The following SMAD3 variants were observed in gnomAD, a reference collection of about 807,000 sequenced individuals.
The protein encoded by SMAD3 is MAD homolog 3.
A neutral mutation model predicts 51.8 loss-of-function variants in SMAD3; 12 were observed. That is an observed-to-expected ratio of 0.23 (90% CI 0.15 to 0.38). The LOEUF (loss-of-function observed/expected upper bound fraction) is 0.38, where lower values mean the gene tolerates loss of function less well. Ranked by LOEUF, SMAD3 falls within the 10% of genes least tolerant of loss-of-function variation. SMAD3 has a pLI of 1.00. For synonymous variants in SMAD3, 238 were observed against 227.7 expected, an observed-to-expected ratio of 1.05 and a Z score of -0.41; for missense variants, 294 against 565.6, an observed-to-expected ratio of 0.52 and a Z score of 4.87.
intron 1 of SMAD3, among the ~76,000 whole-genome samples, chr15:67,159,543 G>T (rs1962371643): frequency 6.6e-6 from 1 of 152,058 alleles, no homozygotes; most frequent in Non-Finnish European, 1.5e-5. Context: ...AAAGTGTGCA[G>T]TATGACAAAT....
chr15:67,194,826 A>AG lies in SMAD3; in HGVS notation c.*4294dup, dbSNP rs1963461300. The AG allele has an allele frequency of 1.3e-5, 3 of 232,708 alleles. No homozygotes were observed. The highest frequency in any genetic ancestry group is 2.6e-5 in the Non-Finnish European group (3 of 117,460). 14.4% of individuals were successfully genotyped at this position (232,708 alleles called of 1,614,324 possible). Reference sequence around the variant, plus strand: ...CTGAACCAAGCCCCACTCCCTTGCTAGGGGTGAAAGCATTACAGAGAGATG... The same window carrying AG: ...CTGAACCAAGCCCCACTCCCTTGCTAGGGGGTGAAAGCATTACAGAGAGATG... On this transcript the variant is annotated 3_prime_UTR_variant, in exon 9 of 9. Coordinates refer to ENST00000327367, the MANE Select transcript of SMAD3 (RefSeq NM_005902.4).
chr15:67,164,316 GAAAAA>G (rs59880604), intron 1 of SMAD3, among the ~76,000 whole-genome samples: 1 of 83,670 alleles, frequency 1.2e-5, no homozygotes, highest in African/African-American at 4.5e-5. Context: ...CTCCGTCTCA[GAAAAA>G]AAAAAAAAAA....
rs1200016304 is a variant in SMAD3, at chr15:67,193,236, G to A, written c.*2700G>A. ...ACCAGGGCAGTTCTAGAGGAGTGCTGGTGACTGGATAGCAGTTTTAAGTGG... is the reference window on the plus strand; with the variant it reads ...ACCAGGGCAGTTCTAGAGGAGTGCTAGTGACTGGATAGCAGTTTTAAGTGG... On this transcript the variant is annotated 3_prime_UTR_variant, in exon 9 of 9. Transcript: ENST00000327367. 2 of 233,342 alleles carry A rather than the reference G, an allele frequency of 8.6e-6. No individual in the cohort carries two copies. The highest frequency in any genetic ancestry group is 1.7e-5 in the Non-Finnish European group (2 of 118,070). 14.5% of individuals were successfully genotyped at this position (233,342 alleles called of 1,614,324 possible).
chr15:67,089,254 C>T (rs1226411884), intron 1 of SMAD3, among the ~76,000 whole-genome samples: 1 of 152,146 alleles, frequency 6.6e-6, no homozygotes, highest in Non-Finnish European at 1.5e-5. Flanking sequence ...GCCAGATGAC[C>T]CTTGCTACTT....
At chr15:67,111,580 G>A (rs1961015093) in intron 1 of SMAD3, among the ~76,000 whole-genome samples, 1 of 152,188 alleles carries the variant, frequency 6.6e-6, no homozygotes, top group South Asian at 2.1e-4. Context: ...GTTTTCCAAA[G>A]TGGTTGTGTG....
chr15:67,125,771 C>T, intron 1 of SMAD3: 1 of 985,674 alleles, frequency 1.0e-6, no homozygotes, highest in Non-Finnish European at 1.2e-6. Context: ...CTGCTGAGTT[C>T]ACTGGTGCTG....
chr15:67,166,733 A>G, intron 3 of SMAD3, 46 bp from the exon 4 acceptor site: 2 of 1,339,052 alleles, frequency 1.5e-6, no homozygotes, highest in Non-Finnish European at 2.1e-6. Flanking sequence ...TCTCAGAGCC[A>G]AGCTGTGAAG....
intron 1 of SMAD3, among the ~76,000 whole-genome samples, chr15:67,152,269 A>G (rs1864177460): frequency 6.6e-6 from 1 of 152,256 alleles, no homozygotes; most frequent in Non-Finnish European, 1.5e-5. Flanking sequence ...ATGTTGTCGT[A>G]GAATGAAGGA....
At chr15:67,076,519 T>C (rs1369050453) in intron 1 of SMAD3, among the ~76,000 whole-genome samples, 1 of 152,178 alleles carries the variant, frequency 6.6e-6, no homozygotes, top group Non-Finnish European at 1.5e-5. Flanking sequence ...TTAGGTGGGC[T>C]GTTGAGTGAG....
chr15:67,193,486 T>TA lies in SMAD3; in HGVS notation c.*2951dup, dbSNP rs1209104257. The TA allele has an allele frequency of 4.3e-6, 1 of 233,716 alleles. No individual in the cohort carries two copies. The highest frequency in any genetic ancestry group is 1.8e-4 in the South Asian group (1 of 5,534). The allele number at this position is 233,716 out of a possible 1,614,324, so 14.5% of individuals were successfully genotyped here. A position where few individuals can be genotyped will look rare whatever the true frequency, so the allele number is the denominator to read the frequency against. The stretch of plus-strand genomic sequence containing the variant: ...TAGTAACTTAGATGCTTCCAGCACA[T>TA]ACGTAGGTAGCTACCCCAGCCGGTT... On this transcript the variant is annotated 3_prime_UTR_variant, in exon 9 of 9. Transcript: ENST00000327367.
At chr15:67,072,760 T>C (rs1444877030) in intron 1 of SMAD3, among the ~76,000 whole-genome samples, 1 of 152,192 alleles carries the variant, frequency 6.6e-6, no homozygotes, top group East Asian at 1.9e-4. Context: ...CTCTGACAAG[T>C]CCCTGAGCCA....
intron 1 of SMAD3, among the ~76,000 whole-genome samples, chr15:67,144,383 G>C (rs555828622): frequency 6.6e-6 from 1 of 152,214 alleles, no homozygotes; most frequent in Admixed American, 6.5e-5. Context: ...AGGGAGGGTT[G>C]TTGATCTTCA....
At chr15:67,083,620 G>A (rs1960322907) in intron 1 of SMAD3, among the ~76,000 whole-genome samples, 4 of 152,136 alleles carry the variant, frequency 2.6e-5, no homozygotes, top group Admixed American at 2.6e-4. Context: ...AACTACTTCT[G>A]CTCTCCCTGG....
At chr15:67,154,297 T>C (rs548930968) in intron 1 of SMAD3, among the ~76,000 whole-genome samples, 2 of 152,330 alleles carry the variant, frequency 1.3e-5, no homozygotes, top group African/African-American at 4.8e-5. Flanking sequence ...ATATTGTCCA[T>C]TTATAAGTTC....
At chr15:67,088,127 A>T (rs146185700) in intron 1 of SMAD3, among the ~76,000 whole-genome samples, 123 of 152,312 alleles carry the variant, frequency 8.1e-4, no homozygotes, top group African/African-American at 2.9e-3. Flanking sequence ...CCTTTATCGC[A>T]GGAGGAGTGA....
Position 67,066,076 on chromosome 15 carries a change from T to C in SMAD3, c.-79T>C. 9.5e-7 allele frequency: 1 copy of C among 1,057,954 alleles called. No individual in the cohort carries two copies. The highest frequency in any genetic ancestry group is 1.3e-6 in the Non-Finnish European group (1 of 752,942). The allele number at this position is 1,057,954 out of a possible 1,614,324, so 65.5% of individuals were successfully genotyped here. On this transcript the variant is annotated 5_prime_UTR_variant, in exon 1 of 9. Coordinates refer to ENST00000327367, the MANE Select transcript of SMAD3 (RefSeq NM_005902.4). ...CGACCGCGGCAGGCCCCGGCCGAGC[T>C]CCCCTCTGCGCCCCCGGCGTCCCGT...
At chr15:67,088,764 T>C (rs982623706) in intron 1 of SMAD3, among the ~76,000 whole-genome samples, 1 of 152,060 alleles carries the variant, frequency 6.6e-6, no homozygotes, top group African/African-American at 2.4e-5. Flanking sequence ...CTGCCTCTAC[T>C]AAAAATACAA....
intron 1 of SMAD3, among the ~76,000 whole-genome samples, chr15:67,164,348 G>A (rs996916452): frequency 8.1e-5 from 12 of 148,234 alleles, no homozygotes; most frequent in African/African-American, 1.7e-4. Flanking sequence ...AAAAAAAAGA[G>A]GAGGAAAGGC....
At position 67,193,111 on chromosome 15, in the gene SMAD3, A is replaced by T; in HGVS notation, c.*2575A>T. On this transcript the variant is annotated 3_prime_UTR_variant, in exon 9 of 9. Coordinates refer to ENST00000327367, the MANE Select transcript of SMAD3 (RefSeq NM_005902.4). Reference sequence around the variant, plus strand: ...ATGTAACATTAGTGTCCTTCCTTGAAGCCACAAGCTAGTTTTCTTAGTTTT... The same window carrying T: ...ATGTAACATTAGTGTCCTTCCTTGATGCCACAAGCTAGTTTTCTTAGTTTT... 4.3e-6 allele frequency: 1 copy of T among 233,374 alleles called. No homozygotes were observed. Among genetic ancestry groups the T allele is most frequent in the Non-Finnish European group, 8.5e-6 (1 of 118,022 alleles). The allele number at this position is 233,374 out of a possible 1,614,324, so 14.5% of individuals were successfully genotyped here. A position where few individuals can be genotyped will look rare whatever the true frequency, so the allele number is the denominator to read the frequency against.
Sources: gnomAD v4.1 joint callset for allele counts (sites outside exome capture counted in the v4.1 genomes callset) on GRCh38, gnomAD v4.1.1 for gene constraint, MANE v1.5 for transcripts, NCBI Gene and HGNC (gene_info 2026-07-23, HGNC 2026-07-21) for gene names.